Variants in C3orf52 observed in about 807,000 individuals in gnomAD.
C3orf52 encodes TPA-induced transmembrane protein.
A neutral mutation model predicts 24.8 loss-of-function variants in C3orf52; 22 were observed. The ratio of observed to expected loss-of-function variants is 0.89; its 90% CI spans 0.63 to 1.27. The LOEUF (loss-of-function observed/expected upper bound fraction) is 1.27, where lower values mean the gene tolerates loss of function less well. Among genes scored for constraint, C3orf52 ranks in the 50% most tolerant of loss-of-function variants. The pLI, the probability that C3orf52 is intolerant of heterozygous loss-of-function variation, is 0.00. For synonymous variants in C3orf52, 93 were observed against 100.2 expected (o/e 0.93, Z 0.43); for missense variants, 265 against 260.7 (o/e 1.02, Z -0.11).
exon 5 of C3orf52, chr3:112,128,356 C>T (rs959726720): frequency 1.8e-6 from 1 of 552,996 alleles, no homozygotes. Flanking sequence ...TAATGAAGAA[C>T]ACGTAAGTGT....
intron 4 of C3orf52, among the ~76,000 whole-genome samples, chr3:112,110,840 C>T (rs761462166): frequency 5.9e-5 from 9 of 152,194 alleles, no homozygotes; most frequent in Non-Finnish European, 1.3e-4. Context: ...TGGTAGGTAG[C>T]ACCATGGTGT....
intron 2 of C3orf52, among the ~76,000 whole-genome samples, chr3:112,101,662 C>T (rs191638709): frequency 2.8e-4 from 43 of 152,326 alleles, no homozygotes; most frequent in Admixed American, 2.0e-3. Context: ...CGTAATGCCT[C>T]GTATTTCCAG....
Position 112,118,006 on chromosome 3 carries a change from A to G in C3orf52, c.*1360A>G, listed in dbSNP as rs989121455. The stretch of plus-strand genomic sequence containing the variant: ...TAATGTGAATTTGCTTTCCTATTTA[A>G]CTAGAAGATACATGTACTATAGATC... On this transcript the variant is annotated 3_prime_UTR_variant, in exon 6 of 6. Transcript: ENST00000264848. The G allele has an allele frequency of 1.3e-5, 2 of 152,216 alleles. No homozygotes were observed. The highest frequency in any genetic ancestry group is 2.4e-5 in the African/African-American group (1 of 41,446). 9.4% of individuals were successfully genotyped at this position (152,216 alleles called of 1,614,324 possible).
intron 1 of C3orf52, among the ~76,000 whole-genome samples, chr3:112,090,755 G>A (rs572242283): frequency 2.6e-5 from 4 of 152,184 alleles, no homozygotes; most frequent in Admixed American, 6.5e-5. Context: ...CCAAGGAGGT[G>A]CATTGACACT....
chr3:112,099,766 C>T (rs2073955859), intron 2 of C3orf52, among the ~76,000 whole-genome samples: 1 of 152,026 alleles, frequency 6.6e-6, no homozygotes, highest in African/African-American at 2.4e-5. Flanking sequence ...TTTTTGATTT[C>T]TTCTTTCTCA....
chr3:112,119,656 A>T (rs1037096095), downstream of C3orf52: 5 of 602,652 alleles, frequency 8.3e-6, no homozygotes, highest in Non-Finnish European at 1.5e-5. Context: ...AAATGGGAGA[A>T]ATCTCTCAAT....
intron 4 of C3orf52, chr3:112,112,087 G>A (rs982414791): frequency 6.6e-6 from 1 of 152,254 alleles, no homozygotes; most frequent in African/African-American, 2.4e-5. Flanking sequence ...GATAGTCTCA[G>A]ATGTGGCCTC....
At chr3:112,112,765 G>A in intron 4 of C3orf52, 199 bp from the exon 5 acceptor site, 1 of 639,264 alleles carries the variant, frequency 1.6e-6, no homozygotes, top group Non-Finnish European at 2.9e-6. Flanking sequence ...AGGAGGTTAG[G>A]ATCACCTCAA....
intron 3 of C3orf52, among the ~76,000 whole-genome samples, chr3:112,105,875 CT>C (rs2074019171): frequency 1.3e-5 from 2 of 150,760 alleles, no homozygotes; most frequent in Non-Finnish European, 3.0e-5. Flanking sequence ...TAGGTTGTCA[CT>C]TGTGCTTCTG....
chr3:112,123,600 A>T lies in C3orf52; in HGVS notation c.*46+4038A>T, dbSNP rs377156839. On this transcript the variant is annotated intron_variant, in intron 4 of 4. Coordinates refer to the C3orf52 transcript ENST00000480282. ...CCTGGGGTCTGTAGAAGGCATATGT[A>T]GAAGTGAATACTCAGTCTCAGTTCC... is the stretch of plus-strand genomic sequence containing the variant. 1.6e-5 allele frequency: 26 copies of T among 1,614,022 alleles called. No homozygotes were observed. The African/African-American group carries it at 2.9e-4, about 18-fold the overall frequency.
At chr3:112,105,489 A>G (rs556532850) in intron 3 of C3orf52, among the ~76,000 whole-genome samples, 45 of 151,996 alleles carry the variant, frequency 3.0e-4, no homozygotes, top group Non-Finnish European at 3.5e-4. Context: ...TGTGGGGGAA[A>G]AATTATTTTT....
At chr3:112,119,444 A>G (rs1295034795), downstream of C3orf52, 3 of 702,934 alleles carry the variant, frequency 4.3e-6, no homozygotes, top group Admixed American at 6.0e-5. Context: ...AGTGGTCAGT[A>G]TAATCAGAGG....
chr3:112,133,441 G>A (rs115753842), downstream of C3orf52: 97 of 306,194 alleles, frequency 3.2e-4, no homozygotes, highest in African/African-American at 2.0e-3. Context: ...TGGGCCATGG[G>A]AGTTTTTCCA....
chr3:112,111,389 CA>C (rs2074081446), intron 4 of C3orf52: 1 of 152,288 alleles, frequency 6.6e-6, no homozygotes. Context: ...TTTGTGTCTA[CA>C]GGGGCATTGT....
chr3:112,086,471 C>T lies in C3orf52; in HGVS notation c.64C>T (p.Pro22Ser). ...GGAGCTCTCGGTGCTCGAGCGGCAGCCAGAAGAGAACACGCCTCTCAATGG... is the reference window on the plus strand; with the variant it reads ...GGAGCTCTCGGTGCTCGAGCGGCAGTCAGAAGAGAACACGCCTCTCAATGG... ...ELELSVLERQ[P>S]EENTPLNGAD... is the part of the protein sequence containing the mutation. The change falls in exon 1 of 6, where the codon CCA (proline) becomes TCA (serine). Residue 22 changes from proline to serine, a missense_variant. Pro to Ser is a moderately conservative substitution (Grantham distance 74, BLOSUM62 -1). Transcript: ENST00000264848. 1 of 1,551,506 alleles carries T rather than the reference C, an allele frequency of 6.4e-7. No individual in the cohort carries two copies. Among genetic ancestry groups the T allele is most frequent in the South Asian group, 1.2e-5 (1 of 84,034 alleles).
chr3:112,097,411 T>C (rs2107778191), intron 2 of C3orf52, among the ~76,000 whole-genome samples: 1 of 152,332 alleles, frequency 6.6e-6, no homozygotes, highest in South Asian at 2.1e-4. Context: ...ATACCCCAGA[T>C]TCTTGCCTGA....
chr3:112,127,872 C>A (rs2074364947), intron 4 of C3orf52: 1 of 659,660 alleles, frequency 1.5e-6, no homozygotes, highest in Admixed American at 2.5e-5. Flanking sequence ...GGAAGGATTG[C>A]TTCCCTGATT....
intron 1 of C3orf52, among the ~76,000 whole-genome samples, chr3:112,089,107 T>C (rs1276254374): frequency 6.6e-6 from 1 of 152,222 alleles, no homozygotes; most frequent in Non-Finnish European, 1.5e-5. Flanking sequence ...AGAGTGAGGC[T>C]GGTTTTCTTT....
intron 2 of C3orf52, among the ~76,000 whole-genome samples, chr3:112,099,776 A>G (rs941186913): frequency 1.3e-5 from 2 of 152,100 alleles, no homozygotes; most frequent in Non-Finnish European, 2.9e-5. Context: ...CTTCTTTCTC[A>G]TATCTAGATA....
Sources: gnomAD v4.1 joint callset for allele counts (sites outside exome capture counted in the v4.1 genomes callset) on GRCh38, gnomAD v4.1.1 for gene constraint, MANE v1.5 for transcripts, NCBI Gene and HGNC (gene_info 2026-07-23, HGNC 2026-07-21) for gene names.